AGMO: variants seen among roughly 807,000 people sequenced by gnomAD.
AGMO encodes glyceryl-ether monooxygenase.
A neutral mutation model predicts 60.2 loss-of-function variants in AGMO; 75 were observed. That is an observed-to-expected ratio of 1.25 (90% CI 1.03 to 1.51). The LOEUF is 1.51. Among genes scored for constraint, AGMO ranks in the 40% most tolerant of loss-of-function variants. The pLI is 0.00. For missense variants in AGMO, 763 were observed against 525.5 expected (o/e 1.45, Z -4.42); for synonymous variants, 261 against 177.1 (o/e 1.47, Z -3.76).
rs1342942438 is a variant in AGMO, at chr7:15,530,599, C to T, written c.409+14173G>A. 2.8e-5 allele frequency among the ~76,000 whole-genome samples: 3 copies of T among 108,986 alleles called. No individual in the cohort carries two copies. The South Asian group carries it at 8.5e-4, about 31-fold the overall frequency. 71.5% of individuals were successfully genotyped at this position (108,986 alleles called of 152,430 possible). A position where few individuals can be genotyped will look rare whatever the true frequency, so the allele number is the denominator to read the frequency against. On this transcript the variant is annotated intron_variant, in intron 3 of 12. Coordinates refer to ENST00000342526, the MANE Select transcript of AGMO (RefSeq NM_001004320.2). The stretch of plus-strand genomic sequence containing the variant: ...ATATACGTATTTCTATATATATATT[C>T]TATATACGTATTTCTATATATATAT...
chr7:15,517,050 A>G (rs1783828749), intron 3 of AGMO, among the ~76,000 whole-genome samples: 1 of 151,998 alleles, frequency 6.6e-6, no homozygotes, highest in East Asian at 1.9e-4. Flanking sequence ...GAGAAAGATC[A>G]ACACTTTTAA....
At chr7:15,430,653 A>G (rs1781208306) in intron 4 of AGMO, among the ~76,000 whole-genome samples, 2 of 150,944 alleles carry the variant, frequency 1.3e-5, no homozygotes, top group African/African-American at 2.4e-5. Flanking sequence ...AAAACTGGTA[A>G]AAGTTTTTAC....
intron 10 of AGMO, among the ~76,000 whole-genome samples, chr7:15,371,544 C>T (rs1783215002): frequency 6.6e-6 from 1 of 152,038 alleles, no homozygotes; most frequent in Non-Finnish European, 1.5e-5. Flanking sequence ...GCACCTACCA[C>T]CTTACATACC....
intron 3 of AGMO, among the ~76,000 whole-genome samples, chr7:15,528,188 T>C (rs1018326652): frequency 6.6e-6 from 1 of 152,122 alleles, no homozygotes; most frequent in African/African-American, 2.4e-5. Flanking sequence ...CTGATGATCA[T>C]TAGCATCTTT....
At chr7:15,305,797 G>A (rs1449828643) in intron 12 of AGMO, among the ~76,000 whole-genome samples, 1 of 151,946 alleles carries the variant, frequency 6.6e-6, no homozygotes, top group Non-Finnish European at 1.5e-5. Context: ...GGAAGATTCT[G>A]TGAACTGTAC....
chr7:15,328,973 C>T (rs552505157), intron 12 of AGMO, among the ~76,000 whole-genome samples: 1 of 152,264 alleles, frequency 6.6e-6, no homozygotes, highest in South Asian at 2.1e-4. Context: ...CCTAAAATAG[C>T]AGTATGGTTT....
chr7:15,126,144 G>C, the AGMO span, among the ~76,000 whole-genome samples: 1 of 152,190 alleles, frequency 6.6e-6, no homozygotes, highest in African/African-American at 2.4e-5. Context: ...CACTCAGTTT[G>C]AAATGAGAAG....
intron 2 of AGMO, among the ~76,000 whole-genome samples, chr7:15,552,302 A>T (rs1454474334): frequency 6.6e-6 from 1 of 152,226 alleles, no homozygotes; most frequent in African/African-American, 2.4e-5. Flanking sequence ...TTGGCAACAA[A>T]AGCCAAAATT....
chr7:15,418,012 C>T (rs914266628), intron 5 of AGMO, among the ~76,000 whole-genome samples: 4 of 151,980 alleles, frequency 2.6e-5, no homozygotes, highest in African/African-American at 7.2e-5. Flanking sequence ...TGAAATGCCA[C>T]GGAAGACTCT....
At chr7:15,348,373 A>AT (rs1782110282) in intron 12 of AGMO, among the ~76,000 whole-genome samples, 2 of 152,216 alleles carry the variant, frequency 1.3e-5, no homozygotes, top group South Asian at 4.1e-4. Flanking sequence ...TGAATGATCG[A>AT]TGAAACTGTT....
At chr7:15,280,279 G>C (rs1170987586) in intron 12 of AGMO, among the ~76,000 whole-genome samples, 1 of 152,144 alleles carries the variant, frequency 6.6e-6, no homozygotes, top group Admixed American at 6.5e-5. Flanking sequence ...TGTGGGACCT[G>C]CCTTGCCAAA....
chr7:15,370,720 A>T (rs905302168), intron 10 of AGMO, among the ~76,000 whole-genome samples: 1 of 146,486 alleles, frequency 6.8e-6, no homozygotes, highest in Non-Finnish European at 1.5e-5. Context: ...TTCTTTGCCC[A>T]TTTTTTAATG....
intron 12 of AGMO, among the ~76,000 whole-genome samples, chr7:15,229,736 T>TAATAA (rs1483953844): frequency 1.4e-5 from 2 of 147,068 alleles, no homozygotes; most frequent in East Asian, 3.9e-4. Flanking sequence ...AAATTATATA[T>TAATAA]TATAATATAT....
At chr7:15,255,403 G>A (rs1490080989) in intron 12 of AGMO, among the ~76,000 whole-genome samples, 1 of 151,806 alleles carries the variant, frequency 6.6e-6, no homozygotes, top group East Asian at 1.9e-4. Flanking sequence ...CTGCCGAATT[G>A]TACAAAACAT....
At chr7:15,279,670 A>G (rs187135508) in intron 12 of AGMO, among the ~76,000 whole-genome samples, 1 of 152,278 alleles carries the variant, frequency 6.6e-6, no homozygotes, top group Non-Finnish European at 1.5e-5. Context: ...AAGAAACCAC[A>G]GACCCTTTGA....
chr7:15,323,768 C>T (rs971107788), intron 12 of AGMO, among the ~76,000 whole-genome samples: 4 of 152,134 alleles, frequency 2.6e-5, no homozygotes, highest in Admixed American at 1.3e-4. Flanking sequence ...AGGAAAGCCT[C>T]GTGGTATTGT....
intron 3 of AGMO, among the ~76,000 whole-genome samples, chr7:15,463,513 G>T (rs904810844): frequency 5.3e-5 from 8 of 152,136 alleles, no homozygotes; most frequent in Admixed American, 4.6e-4. Context: ...TTGTCCTTAA[G>T]ATTCTACAGT....
intron 2 of AGMO, among the ~76,000 whole-genome samples, chr7:15,546,593 T>G (rs1266739085): frequency 6.6e-6 from 1 of 152,178 alleles, no homozygotes; most frequent in East Asian, 1.9e-4. Flanking sequence ...TTTTGGGGCA[T>G]GTAGACAGAG....
At chr7:15,408,770 T>A (rs1444099176) in intron 5 of AGMO, among the ~76,000 whole-genome samples, 3 of 151,902 alleles carry the variant, frequency 2.0e-5, no homozygotes, top group Admixed American at 1.3e-4. Flanking sequence ...TGTATAGTTG[T>A]TTCCTCACTT....
Sources: gnomAD v4.1 joint callset for allele counts (sites outside exome capture counted in the v4.1 genomes callset) on GRCh38, gnomAD v4.1.1 for gene constraint, MANE v1.5 for transcripts, NCBI Gene and HGNC (gene_info 2026-07-23, HGNC 2026-07-21) for gene names.